The following PDXDC1 variants were observed in gnomAD, a reference collection of about 807,000 sequenced individuals.
PDXDC1 encodes the protein pyridoxal-dependent decarboxylase domain-containing protein 1.
In PDXDC1, 42 loss-of-function variants were observed where a neutral mutation model predicts 100.1. That is an observed-to-expected ratio of 0.42 (90% confidence interval 0.33 to 0.54). The LOEUF is 0.54. Among genes scored for constraint, PDXDC1 ranks in the 20% least tolerant of loss-of-function variants. The pLI, the probability that PDXDC1 is intolerant of heterozygous loss-of-function variation, is 0.10. For synonymous variants in PDXDC1, 260 were observed against 371.7 expected, an observed-to-expected ratio of 0.70 and a Z score of 3.46; for missense variants, 636 against 979.2, an observed-to-expected ratio of 0.65 and a Z score of 4.68.
In PDXDC1 at chr16:15,070,405, A is replaced by G. The variant is rs374880650; in HGVS notation, c.1399+40349A>G. The G allele has an allele frequency of 2.9e-4, 177 of 617,400 alleles. No homozygotes were observed. In the East Asian group the frequency reaches 4.1e-3, roughly 14 times the overall value. 38.2% of individuals were successfully genotyped at this position (617,400 alleles called of 1,614,324 possible). Reference sequence around the variant, plus strand: ...CCATGGGTACAGAGGAAAAGCAAAGAAAGGAAGGATAAGGATGGGTGCGTA... The same window carrying G: ...CCATGGGTACAGAGGAAAAGCAAAGGAAGGAAGGATAAGGATGGGTGCGTA... On this transcript the variant is annotated intron_variant, in intron 16 of 16. Coordinates refer to the PDXDC1 transcript ENST00000535621.
At chr16:15,048,588 A>C (rs1323402757) in intron 16 of PDXDC1, among the ~76,000 whole-genome samples, 1 of 152,072 alleles carries the variant, frequency 6.6e-6, no homozygotes, top group African/African-American at 2.4e-5. Context: ...ATCAGATTAC[A>C]CAGGAATAGT....
chr16:15,053,457 C>T (rs1353539837), intron 16 of PDXDC1, among the ~76,000 whole-genome samples: 4 of 151,240 alleles, frequency 2.6e-5, no homozygotes, highest in Non-Finnish European at 5.9e-5. Flanking sequence ...TATAAAACAA[C>T]ATATAGTAAG....
intron 19 of PDXDC1, 98 bp downstream of exon 19, chr16:15,033,497 G>C: frequency 7.4e-7 from 1 of 1,357,884 alleles, no homozygotes; most frequent in Non-Finnish European, 1.0e-6. Context: ...ATGTCTGTTC[G>C]TTGTCTCTCA....
At chr16:14,980,640 A>AT (rs1218055478) in intron 1 of PDXDC1, among the ~76,000 whole-genome samples, 2 of 152,364 alleles carry the variant, frequency 1.3e-5, no homozygotes, top group South Asian at 2.1e-4. Flanking sequence ...CACCCAGCTA[A>AT]TTTTTTGTAT....
rs1470660182 is a variant in PDXDC1, at chr16:15,036,682, G to A, written c.*407G>A. The A allele has an allele frequency of 5.1e-6, 1 of 197,360 alleles. No individual in the cohort carries two copies. Among genetic ancestry groups the A allele is most frequent in the Admixed American group, 5.3e-5 (1 of 18,988 alleles). The allele number at this position is 197,360 out of a possible 1,614,324, so 12.2% of individuals were successfully genotyped here. A position where few individuals can be genotyped will look rare whatever the true frequency, so the allele number is the denominator to read the frequency against. On this transcript the variant is annotated 3_prime_UTR_variant, in exon 23 of 23. Transcript: ENST00000396410. ...GTTCTCTGCAACACTTCACAGAGGC[G>A]AGACTGGCTGTATCCTTTGCTGTCG...
rs1199827315 is a variant in PDXDC1 at position 14,975,073 on chromosome 16, T to C, written c.-127T>C. On this transcript the variant is annotated 5_prime_UTR_variant, in exon 1 of 23. Transcript: ENST00000396410. The stretch of plus-strand genomic sequence containing the variant: ...GCCCGCGGCGCCGCCTGGCAGCTCC[T>C]CCTCTTCTCCGCCCCGCCGGCCGCG... 3.9e-5 allele frequency: 59 copies of C among 1,493,788 alleles called. No homozygotes were observed. In the Middle Eastern group the frequency reaches 8.3e-4, roughly 21 times the overall value. 92.5% of individuals were successfully genotyped at this position (1,493,788 alleles called of 1,614,324 possible).
chr16:15,068,376 C>T, intron 16 of PDXDC1: 1 of 1,425,926 alleles, frequency 7.0e-7, no homozygotes, highest in South Asian at 1.4e-5. Flanking sequence ...TTAAAAAAAA[C>T]TTTAAAAAAT....
chr16:15,062,661 G>A (rs1449243372), intron 16 of PDXDC1, among the ~76,000 whole-genome samples: 2 of 152,158 alleles, frequency 1.3e-5, no homozygotes, highest in East Asian at 3.8e-4. Flanking sequence ...TGAGTCAACT[G>A]GAGATTGTTA....
At chr16:15,078,462 C>A (rs1386682581) in intron 16 of PDXDC1, among the ~76,000 whole-genome samples, 1 of 152,068 alleles carries the variant, frequency 6.6e-6, no homozygotes, top group African/African-American at 2.4e-5. Flanking sequence ...GTTTCTGCGT[C>A]TTCACTGACA....
At chr16:15,013,386 A>G (rs1405768821) in intron 8 of PDXDC1, among the ~76,000 whole-genome samples, 2 of 151,342 alleles carry the variant, frequency 1.3e-5, no homozygotes, top group African/African-American at 4.8e-5. Flanking sequence ...GCAAAAAACT[A>G]CAGTGACAGA....
In PDXDC1 at chr16:15,110,788, T is replaced by C. The variant is rs1157292374; in HGVS notation, c.1400-28091T>C. The C allele has an allele frequency of 5.0e-6, 8 of 1,584,446 alleles. 1 individual carries two copies. The highest frequency in any genetic ancestry group is 6.8e-6 in the Non-Finnish European group (8 of 1,170,302). On this transcript the variant is annotated intron_variant, in intron 16 of 16. Coordinates refer to the PDXDC1 transcript ENST00000535621. ...ACATCCGTGGATCCATCATGTCCATTTTGAGACGGGAAGATAGTCTTCAGG... is the reference window on the plus strand; with the variant it reads ...ACATCCGTGGATCCATCATGTCCATCTTGAGACGGGAAGATAGTCTTCAGG...
the PDXDC1 span, among the ~76,000 whole-genome samples, chr16:15,148,414 T>G: frequency 4.7e-5 from 6 of 128,726 alleles, no homozygotes; most frequent in African/African-American, 1.8e-4. Context: ...GACAGGGTCT[T>G]GCTCTGTGAC....
chr16:15,130,528 C>A, intron 16 of PDXDC1: 4 of 1,317,150 alleles, frequency 3.0e-6, no homozygotes, highest in Non-Finnish European at 4.4e-6. Context: ...GAGCCCATAC[C>A]CGGTCCAGTC....
intron 16 of PDXDC1, among the ~76,000 whole-genome samples, chr16:15,063,736 C>G (rs1013858665): frequency 1.8e-4 from 25 of 140,662 alleles, no homozygotes; most frequent in Non-Finnish European, 2.5e-4. Context: ...AAAAACAAAA[C>G]AAAAAAACAA....
intron 12 of PDXDC1, among the ~76,000 whole-genome samples, chr16:15,021,567 CTATGGAGTGCGGGAGAATGATGCCAT>C (rs2042211003): frequency 6.6e-6 from 1 of 152,270 alleles, no homozygotes. Flanking sequence ...TATCCCGTGG[CTATGGAGTGCGGGAGAATGATGCCAT>C]TAACTACCAG....
chr16:15,122,989 G>T (rs916052808), intron 16 of PDXDC1, among the ~76,000 whole-genome samples: 1 of 151,054 alleles, frequency 6.6e-6, no homozygotes, highest in Admixed American at 6.6e-5. Context: ...CTGGTGGAAG[G>T]TTTAGCTACA....
At chr16:15,032,741 A>G in intron 17 of PDXDC1, 120 bp from the exon 18 acceptor site, 3 of 662,614 alleles carry the variant, frequency 4.5e-6, no homozygotes, top group Non-Finnish European at 8.2e-6. Flanking sequence ...CACTCGCAGT[A>G]GCTCTTTTGC....
intron 5 of PDXDC1, among the ~76,000 whole-genome samples, chr16:15,005,361 C>T (rs1249436814): frequency 6.6e-6 from 1 of 151,362 alleles, no homozygotes; most frequent in Non-Finnish European, 1.5e-5. Flanking sequence ...TGCTATGAAA[C>T]TGAAATTTGT....
downstream of PDXDC1, among the ~76,000 whole-genome samples, chr16:15,142,111 AAAG>A (rs1363341050): frequency 1.3e-5 from 2 of 152,144 alleles, no homozygotes; most frequent in Admixed American, 1.3e-4. Flanking sequence ...GGGAGAAAGG[AAAG>A]AAGGAAAAGC....
Sources: allele counts gnomAD v4.1 joint callset (sites outside exome capture counted in the v4.1 genomes callset), GRCh38; gene constraint gnomAD v4.1.1; transcripts MANE v1.5; gene names NCBI Gene and HGNC (gene_info 2026-07-23, HGNC 2026-07-21).